The following NBAS variants were observed in gnomAD, a reference collection of about 807,000 sequenced individuals.
NBAS encodes NAG/BC035112 fusion.
NBAS carries 219 observed loss-of-function variants against 302.5 expected under a neutral mutation model. The ratio of observed to expected loss-of-function variants is 0.72; its 90% confidence interval spans 0.65 to 0.81. NBAS has a LOEUF of 0.81. Ranked by LOEUF, NBAS falls within the 30% of genes least tolerant of loss-of-function variation. The pLI is 0.00. For synonymous variants in NBAS, 1,118 were observed against 1,021.6 expected, an observed-to-expected ratio of 1.09 and a Z score of -1.80; for missense variants, 2,932 against 2,841.6, an observed-to-expected ratio of 1.03 and a Z score of -0.72.
chr2:15,003,392 G>T, the NBAS span, among the ~76,000 whole-genome samples: 1 of 152,154 alleles, frequency 6.6e-6, no homozygotes, highest in African/African-American at 2.4e-5. Context: ...CTTATCAAGT[G>T]CCAGGTGTGG....
intron 47 of NBAS, among the ~76,000 whole-genome samples, chr2:15,224,016 T>G (rs1404487415): frequency 1.3e-5 from 2 of 152,124 alleles, no homozygotes; most frequent in East Asian, 3.9e-4. Flanking sequence ...ACACTCAGAA[T>G]CAGTTTTGGT....
At chr2:15,203,890 T>TTGTGTGTGTGTGTGTGTGTG (rs143962413) in intron 48 of NBAS, among the ~76,000 whole-genome samples, 1 of 129,460 alleles carries the variant, frequency 7.7e-6, no homozygotes, top group African/African-American at 2.8e-5. Context: ...GTGTGTGTGC[T>TTGTGTGTGTGTGTGTGTGTG]TGTGTGTGTG....
chr2:14,935,475 CA>C, the NBAS span, among the ~76,000 whole-genome samples: 1 of 152,028 alleles, frequency 6.6e-6, no homozygotes, highest in Admixed American at 6.6e-5. Context: ...TCATCTTGGT[CA>C]TTTTTTTATG....
chr2:14,962,307 G>C, the NBAS span, among the ~76,000 whole-genome samples: 24,843 of 152,088 alleles, frequency 0.16, 2,841 homozygotes, highest in African/African-American at 0.33. Context: ...ACCACGGACA[G>C]CTCAGAGGGA....
At chr2:15,537,511 C>G (rs1663574025) in intron 7 of NBAS, among the ~76,000 whole-genome samples, 1 of 152,162 alleles carries the variant, frequency 6.6e-6, no homozygotes, top group South Asian at 2.1e-4. Flanking sequence ...GATGGGGTGG[C>G]TCACATCTGT....
chr2:15,050,123 A>T, the NBAS span, among the ~76,000 whole-genome samples: 1 of 151,690 alleles, frequency 6.6e-6, no homozygotes. Flanking sequence ...TTCTTCAACC[A>T]CTCGAGGTCT....
chr2:15,250,289 T>G (rs982782679), intron 44 of NBAS, among the ~76,000 whole-genome samples: 3 of 152,168 alleles, frequency 2.0e-5, no homozygotes, highest in Non-Finnish European at 4.4e-5. Context: ...GATCCCTTCC[T>G]TACACTTTAA....
chr2:15,111,865 T>G, the NBAS span, among the ~76,000 whole-genome samples: 1 of 148,448 alleles, frequency 6.7e-6, no homozygotes, highest in African/African-American at 2.4e-5. Context: ...CAGGCCTCCC[T>G]TATTATTATA....
At chr2:14,932,284 T>G in the NBAS span, among the ~76,000 whole-genome samples, 1 of 152,330 alleles carries the variant, frequency 6.6e-6, no homozygotes, top group East Asian at 1.9e-4. Context: ...CTTAAAGAGT[T>G]ACTGCTAAGG....
chr2:15,160,585 C>CGGGGGGGGGGGGGGGGGGGGGGGG, the NBAS span, among the ~76,000 whole-genome samples: 1 of 92,290 alleles, frequency 1.1e-5, no homozygotes, highest in Non-Finnish European at 2.2e-5. Flanking sequence ...CCAGTGTGGG[C>CGGGGGGGGGGGGGGGGGGGGGGGG]GGGGGGAGGG....
chr2:14,936,250 C>T, the NBAS span, among the ~76,000 whole-genome samples: 4 of 152,202 alleles, frequency 2.6e-5, no homozygotes, highest in Admixed American at 6.5e-5. Context: ...CGTACTTTCC[C>T]TATAAAGATG....
chr2:15,500,238 T>G (rs1228133436), intron 11 of NBAS, among the ~76,000 whole-genome samples: 1 of 152,174 alleles, frequency 6.6e-6, no homozygotes. Flanking sequence ...AAAAATAAAG[T>G]AGTTTTCTAG....
the NBAS span, among the ~76,000 whole-genome samples, chr2:14,806,918 T>A: frequency 6.6e-6 from 1 of 152,106 alleles, no homozygotes; most frequent in Non-Finnish European, 1.5e-5. Context: ...TTGTCAGACC[T>A]CCCTGGGGGT....
chr2:14,831,105 G>A, the NBAS span, among the ~76,000 whole-genome samples: 1 of 152,118 alleles, frequency 6.6e-6, no homozygotes, highest in African/African-American at 2.4e-5. Flanking sequence ...TGTGCCACAT[G>A]GGGAAAACTA....
chr2:14,859,234 A>C, the NBAS span, among the ~76,000 whole-genome samples: 1 of 152,064 alleles, frequency 6.6e-6, no homozygotes, highest in African/African-American at 2.4e-5. Context: ...TGGAAAAATT[A>C]ATATTGTCAA....
intron 51 of NBAS, 72 bp downstream of exon 51, chr2:15,178,916 T>C: frequency 1.3e-6 from 2 of 1,596,354 alleles, no homozygotes; most frequent in Non-Finnish European, 1.7e-6. Context: ...TTTATGAGAA[T>C]GAAAGTGCTA....
the NBAS span, among the ~76,000 whole-genome samples, chr2:14,846,211 T>C: frequency 1.3e-5 from 2 of 152,304 alleles, no homozygotes; most frequent in African/African-American, 4.8e-5. Context: ...GCCAGCCATT[T>C]TTTTCAGTGG....
At position 15,474,280 on chromosome 2, in the gene NBAS, T is replaced by C. The variant is rs13014906; in HGVS notation, c.1386A>G (p.Arg462=). The change falls in exon 15 of 52, where the codon AGA becomes AGG. Residue 462 remains arginine (R), a synonymous_variant. Transcript: ENST00000281513. ...LAPKRSRLET[R]AGEEDEGEED... is the part of the protein sequence containing the mutation. Reference sequence around the variant, plus strand: ...CTTCTCCTTCATCTTCTTCTCCAGCTCTAGTCTCCAAACGAGATCGTTTGG... The same window carrying C: ...CTTCTCCTTCATCTTCTTCTCCAGCCCTAGTCTCCAAACGAGATCGTTTGG... 0.65 allele frequency: 1,045,901 copies of C among 1,613,018 alleles called. 344,796 individuals carry two copies. Among genetic ancestry groups the C allele is most frequent in the Non-Finnish European group, 0.68 (800,348 of 1,179,352 alleles).
chr2:15,430,888 C>T (rs1275632908), intron 21 of NBAS, among the ~76,000 whole-genome samples: 1 of 152,020 alleles, frequency 6.6e-6, no homozygotes, highest in African/African-American at 2.4e-5. Flanking sequence ...CTCACTGCAA[C>T]CTCCGTCTCT....
Sources: allele counts gnomAD v4.1 joint callset (sites outside exome capture counted in the v4.1 genomes callset), GRCh38; gene constraint gnomAD v4.1.1; transcripts MANE v1.5; gene names NCBI Gene and HGNC (gene_info 2026-07-23, HGNC 2026-07-21).